ZNF469: variants seen among roughly 807,000 people sequenced by gnomAD.
ZNF469 encodes zinc finger protein 469.
A neutral mutation model predicts 1.0 loss-of-function variants in ZNF469; 1 was observed. That is an observed-to-expected ratio of 1.00 (90% CI 0.35 to 4.73). ZNF469 has a LOEUF of 4.73. Ranked by LOEUF, ZNF469 falls within the 30% of genes most tolerant of loss-of-function variation. The pLI, the probability that ZNF469 is intolerant of heterozygous loss-of-function variation, is 0.16. For synonymous variants in ZNF469, 2,703 were observed against 2,363.4 expected (o/e 1.14, Z -4.17); for missense variants, 6,100 against 5,356.3 (o/e 1.14, Z -4.33).
the ZNF469 span, among the ~76,000 whole-genome samples, chr16:88,183,039 C>G: frequency 0.054 from 8,145 of 152,196 alleles, 341 homozygotes; most frequent in African/African-American, 0.096. Flanking sequence ...TAACTCAATA[C>G]TAAGAAGACA....
chr16:88,349,834 C>A, the ZNF469 span, among the ~76,000 whole-genome samples: 5 of 145,204 alleles, frequency 3.4e-5, no homozygotes, highest in Non-Finnish European at 6.0e-5. Flanking sequence ...ACACGAGGCA[C>A]CATACACACC....
At chr16:88,176,998 G>A in the ZNF469 span, among the ~76,000 whole-genome samples, 1 of 152,272 alleles carries the variant, frequency 6.6e-6, no homozygotes, top group Admixed American at 6.5e-5. Context: ...GAATGGGATG[G>A]GCTTTTCCCA....
the ZNF469 span, among the ~76,000 whole-genome samples, chr16:88,186,782 C>T: frequency 6.6e-5 from 10 of 152,344 alleles, no homozygotes; most frequent in Non-Finnish European, 1.2e-4. Context: ...ACACGGCTCT[C>T]GCTGGGAGGG....
At chr16:88,285,142 A>G in the ZNF469 span, among the ~76,000 whole-genome samples, 1 of 152,260 alleles carries the variant, frequency 6.6e-6, no homozygotes, top group African/African-American at 2.4e-5. Flanking sequence ...GCCCATGACC[A>G]TCACTGACTG....
chr16:88,361,351 GC>G, the ZNF469 span, among the ~76,000 whole-genome samples: 2 of 152,318 alleles, frequency 1.3e-5, no homozygotes, highest in African/African-American at 2.4e-5. Flanking sequence ...GGGGACCCCT[GC>G]CCTAGAGGAA....
rs1319152073 is a variant in ZNF469, at chr16:88,430,726, G to C, written c.3256G>C (p.Asp1086His). 1 of 1,498,018 alleles carries C rather than the reference G, an allele frequency of 6.7e-7. No homozygotes were observed. 92.8% of individuals were successfully genotyped at this position (1,498,018 alleles called of 1,614,324 possible). A position where few individuals can be genotyped will look rare whatever the true frequency, so the allele number is the denominator to read the frequency against. The change falls in exon 3 of 3, where the codon GAC (aspartate) becomes CAC (histidine). Residue 1086 changes from aspartate to histidine, a missense_variant. Asp to His is a moderately conservative substitution (Grantham distance 81). Transcript: ENST00000565624. ...AAGRPRPGAEDRRLREYDFAS... is the reference protein window; with the variant it reads ...AAGRPRPGAEHRRLREYDFAS... Reference sequence around the variant, plus strand: ...GGGGAGGCCCCGGCCCGGAGCTGAGGACCGCAGGCTCCGCGAGTACGACTT... The same window carrying C: ...GGGGAGGCCCCGGCCCGGAGCTGAGCACCGCAGGCTCCGCGAGTACGACTT...
At chr16:88,245,208 A>C in the ZNF469 span, among the ~76,000 whole-genome samples, 19 of 152,218 alleles carry the variant, frequency 1.2e-4, no homozygotes, top group Non-Finnish European at 2.6e-4. Flanking sequence ...AGGTACAGTC[A>C]TGTGAGCCTG....
intron 1 of ZNF469, among the ~76,000 whole-genome samples, chr16:88,400,251 C>T (rs955929068): frequency 6.6e-6 from 1 of 152,224 alleles, no homozygotes; most frequent in East Asian, 1.9e-4. Flanking sequence ...TCACACGGGA[C>T]CCTTTCTGCC....
intron 1 of ZNF469, among the ~76,000 whole-genome samples, chr16:88,410,675 G>T (rs1905132886): frequency 6.7e-6 from 1 of 148,396 alleles, no homozygotes; most frequent in Non-Finnish European, 1.5e-5. Context: ...CGTGGTCATG[G>T]AGAAGTTCAC....
the ZNF469 span, among the ~76,000 whole-genome samples, chr16:88,249,386 C>A: frequency 2.1e-5 from 3 of 145,242 alleles, no homozygotes; most frequent in African/African-American, 5.1e-5. Flanking sequence ...TACACCACAA[C>A]TGCCATTTTT....
intron 1 of ZNF469, among the ~76,000 whole-genome samples, chr16:88,391,564 C>T (rs1322347629): frequency 6.6e-6 from 1 of 152,252 alleles, no homozygotes; most frequent in African/African-American, 2.4e-5. Context: ...GTGGTCCCCA[C>T]AGGCACAGGC....
At position 88,410,620 on chromosome 16, in the gene ZNF469, C is replaced by A. The variant is rs529938712; in HGVS notation, c.-191-14187C>A. On this transcript the variant is annotated intron_variant, in intron 1 of 2. Coordinates refer to ENST00000565624, the MANE Select transcript of ZNF469 (RefSeq NM_001367624.2). ...ATGGAGAAGTTCACGGTGCAGGTCA[C>A]ACAGTTCACGGTGACGTCTATGATG... is the stretch of plus-strand genomic sequence containing the variant. Among the ~76,000 whole-genome samples the A allele has an allele frequency of 3.4e-5, 5 of 148,846 alleles. No homozygotes were observed. In the East Asian group the frequency reaches 8.0e-4, roughly 24 times the overall value.
At chr16:88,116,845 G>A in the ZNF469 span, among the ~76,000 whole-genome samples, 2 of 152,312 alleles carry the variant, frequency 1.3e-5, no homozygotes, top group South Asian at 4.1e-4. Flanking sequence ...GGCCGCAGGG[G>A]GGCAGCTGGA....
At position 88,431,220 on chromosome 16, in the gene ZNF469, C is replaced by A. The variant is rs557569932; in HGVS notation, c.3750C>A (p.Ala1250=). The change falls in exon 3 of 3, where the codon GCC becomes GCA. Residue 1250 remains alanine, a synonymous_variant. Transcript: ENST00000565624. ...EFTEALRSPP[A]ACAGEMGASP... is the part of the protein sequence containing the mutation. ...CAGAGGCTTTGCGTTCTCCTCCAGC[C>A]GCCTGTGCGGGAGAAATGGGAGCAA... 1 of 1,550,278 alleles carries A rather than the reference C, an allele frequency of 6.5e-7. No homozygotes were observed. The highest frequency in any genetic ancestry group is 8.7e-7 in the Non-Finnish European group (1 of 1,146,992).
the ZNF469 span, among the ~76,000 whole-genome samples, chr16:88,314,299 A>T: frequency 1.3e-4 from 19 of 142,352 alleles, 1 homozygote; most frequent in Non-Finnish European, 3.0e-4. Flanking sequence ...TCTGTAATTC[A>T]GGCAGTGCTG....
intron 1 of ZNF469, among the ~76,000 whole-genome samples, chr16:88,393,429 C>G (rs535759931): frequency 2.6e-5 from 4 of 152,324 alleles, no homozygotes; most frequent in Admixed American, 1.3e-4. Flanking sequence ...TGTGTTTATG[C>G]CGGACCGGTG....
chr16:88,406,340 GC>G (rs1275798407), intron 1 of ZNF469, among the ~76,000 whole-genome samples: 2 of 152,200 alleles, frequency 1.3e-5, no homozygotes. Context: ...TCTCAGGATG[GC>G]CCTGTGTATG....
the ZNF469 span, among the ~76,000 whole-genome samples, chr16:88,166,772 A>AACACACACACACACAC: frequency 0.015 from 2,182 of 145,842 alleles, 34 homozygotes; most frequent in African/African-American, 0.041. This position sits in a 1 kb window ranked among gnomAD's most constrained non-coding sequence, Gnocchi z 4.5. Flanking sequence ...CAGAATCATA[A>AACACACACACACACAC]ACACACACAC....
chr16:88,145,231 A>G, the ZNF469 span, among the ~76,000 whole-genome samples: 1 of 152,210 alleles, frequency 6.6e-6, no homozygotes, highest in Non-Finnish European at 1.5e-5. Flanking sequence ...GTTCAGGGAA[A>G]CAGCTTTGCA....
Sources: allele counts gnomAD v4.1 joint callset (sites outside exome capture counted in the v4.1 genomes callset), GRCh38; gene constraint gnomAD v4.1.1; non-coding constraint Gnocchi (gnomAD v3.1); transcripts MANE v1.5; gene names NCBI Gene and HGNC (gene_info 2026-07-23, HGNC 2026-07-21).